CEP112: variants seen among roughly 807,000 people sequenced by gnomAD.
The protein encoded by CEP112 is centrosomal protein of 112 kDa.
In CEP112, 127 loss-of-function variants were observed where a neutral mutation model predicts 153.0. That is an observed-to-expected ratio of 0.83 (90% CI 0.72 to 0.96). The LOEUF is 0.96. Among genes scored for constraint, CEP112 ranks in the 40% least tolerant of loss-of-function variants. The pLI is 0.00. For missense variants in CEP112, 1,089 were observed against 1,101.2 expected, an observed-to-expected ratio of 0.99 and a Z score of 0.16; for synonymous variants, 358 against 374.4, an observed-to-expected ratio of 0.96 and a Z score of 0.51.
At chr17:65,970,962 T>C (rs1042429647) in intron 17 of CEP112, among the ~76,000 whole-genome samples, 1 of 151,368 alleles carries the variant, frequency 6.6e-6, no homozygotes, top group African/African-American at 2.4e-5. Flanking sequence ...ACCTATTACA[T>C]GTTGGCCAGG....
chr17:65,794,705 G>A (rs1449309613), intron 21 of CEP112, among the ~76,000 whole-genome samples: 10 of 152,184 alleles, frequency 6.6e-5, no homozygotes, highest in Admixed American at 3.3e-4. Flanking sequence ...GTTGATGGAC[G>A]GCATGACAAC....
At chr17:65,960,179 T>G (rs2062147483) in intron 18 of CEP112, among the ~76,000 whole-genome samples, 1 of 152,064 alleles carries the variant, frequency 6.6e-6, no homozygotes, top group Admixed American at 6.6e-5. Flanking sequence ...AAAAACTAAA[T>G]ATGCTTGAGT....
At chr17:66,105,058 G>A (rs1475879917) in intron 6 of CEP112, among the ~76,000 whole-genome samples, 1 of 152,060 alleles carries the variant, frequency 6.6e-6, no homozygotes, top group Non-Finnish European at 1.5e-5. Context: ...ACTAAAAGAT[G>A]AACCACTCAA....
At chr17:65,917,943 A>G (rs1475114148) in intron 19 of CEP112, among the ~76,000 whole-genome samples, 1 of 152,086 alleles carries the variant, frequency 6.6e-6, no homozygotes, top group Non-Finnish European at 1.5e-5. Flanking sequence ...TTGAGAGGCC[A>G]AGGCAGGTGG....
intron 21 of CEP112, among the ~76,000 whole-genome samples, chr17:65,839,390 G>A (rs939231645): frequency 2.0e-5 from 3 of 150,954 alleles, no homozygotes; most frequent in Admixed American, 1.3e-4. Context: ...TCACATTAAC[G>A]AAACCAAGAA....
chr17:65,814,208 T>C (rs894820740), intron 21 of CEP112, among the ~76,000 whole-genome samples: 1 of 152,148 alleles, frequency 6.6e-6, no homozygotes, highest in African/African-American at 2.4e-5. Context: ...AGAACTCACA[T>C]CTCTTGTGGA....
chr17:65,936,114 C>T (rs2061297281), intron 18 of CEP112, among the ~76,000 whole-genome samples: 2 of 152,162 alleles, frequency 1.3e-5, no homozygotes, highest in African/African-American at 4.8e-5. Context: ...TTACGAACCA[C>T]TATACATCAA....
At position 65,635,872 on chromosome 17, in the gene CEP112, C is replaced by T. The variant is rs143768706; in HGVS notation, c.*99G>A. 18 of 1,237,752 alleles carry T rather than the reference C, an allele frequency of 1.5e-5. 2 individuals carry two copies. The highest frequency in any genetic ancestry group is 1.9e-4 in the Middle Eastern group (1 of 5,308). 76.7% of individuals were successfully genotyped at this position (1,237,752 alleles called of 1,614,324 possible). On this transcript the variant is annotated 3_prime_UTR_variant, in exon 27 of 27. Transcript: ENST00000535342. ...ATTACATTTAAGGATTTAAAAAATGCCACTGATCTCACAGTTTACAATATC... is the reference window on the plus strand; with the variant it reads ...ATTACATTTAAGGATTTAAAAAATGTCACTGATCTCACAGTTTACAATATC...
intron 17 of CEP112, among the ~76,000 whole-genome samples, chr17:65,967,498 C>T (rs1033821362): frequency 1.3e-5 from 2 of 152,032 alleles, no homozygotes; most frequent in Non-Finnish European, 2.9e-5. Flanking sequence ...AAACATGGTT[C>T]CTATCTTGCA....
At chr17:65,713,681 G>T (rs987092493) in intron 23 of CEP112, among the ~76,000 whole-genome samples, 2 of 152,078 alleles carry the variant, frequency 1.3e-5, no homozygotes, top group African/African-American at 4.8e-5. Flanking sequence ...CTGCCTGCTG[G>T]GTTCACACCA....
chr17:65,645,466 T>C (rs1775599011), intron 24 of CEP112, among the ~76,000 whole-genome samples: 2 of 152,226 alleles, frequency 1.3e-5, no homozygotes, highest in Non-Finnish European at 1.5e-5. Context: ...TTAGTTATGA[T>C]TTTTCTATTT....
chr17:65,972,431 T>C (rs990295279), intron 17 of CEP112, among the ~76,000 whole-genome samples: 1 of 152,184 alleles, frequency 6.6e-6, no homozygotes, highest in African/African-American at 2.4e-5. Context: ...AACATTTGTA[T>C]TAGAAAATAA....
At chr17:65,718,997 G>A (rs1462099554) in intron 23 of CEP112, among the ~76,000 whole-genome samples, 4 of 152,224 alleles carry the variant, frequency 2.6e-5, no homozygotes, top group Admixed American at 2.0e-4. Flanking sequence ...ATGGAAAATC[G>A]AGGATGTGGG....
chr17:65,653,831 C>T (rs974953458), intron 24 of CEP112, among the ~76,000 whole-genome samples: 19 of 152,018 alleles, frequency 1.2e-4, no homozygotes, highest in East Asian at 1.2e-3. Flanking sequence ...GAGCCAGAGG[C>T]GGGCAGACCA....
intron 21 of CEP112, among the ~76,000 whole-genome samples, chr17:65,775,562 G>C (rs2053631048): frequency 6.6e-6 from 1 of 151,938 alleles, no homozygotes; most frequent in Non-Finnish European, 1.5e-5. Context: ...AGTGCAGCGG[G>C]TGCGATCTTG....
At chr17:65,954,027 C>T (rs952325972) in intron 18 of CEP112, among the ~76,000 whole-genome samples, 4 of 152,200 alleles carry the variant, frequency 2.6e-5, no homozygotes, top group South Asian at 2.1e-4. Context: ...TGCCACCTCC[C>T]GGCTGGAGGC....
chr17:65,964,075 C>T (rs899017385), intron 17 of CEP112, among the ~76,000 whole-genome samples: 2 of 152,186 alleles, frequency 1.3e-5, no homozygotes, highest in African/African-American at 4.8e-5. Context: ...TCAGTAACTG[C>T]ATTTTGCAGC....
At chr17:65,871,718 T>C (rs1260843481) in intron 20 of CEP112, among the ~76,000 whole-genome samples, 1 of 152,224 alleles carries the variant, frequency 6.6e-6, no homozygotes, top group Non-Finnish European at 1.5e-5. Context: ...TGCATTGGTG[T>C]TGAATATCTC....
At chr17:65,726,577 G>C (rs1280889260) in intron 23 of CEP112, among the ~76,000 whole-genome samples, 2 of 152,194 alleles carry the variant, frequency 1.3e-5, no homozygotes, top group East Asian at 3.8e-4. Flanking sequence ...GATTGGAAGA[G>C]AATGTGTGTG....
Sources: allele counts gnomAD v4.1 joint callset (sites outside exome capture counted in the v4.1 genomes callset), GRCh38; gene constraint gnomAD v4.1.1; transcripts MANE v1.5; gene names NCBI Gene and HGNC (gene_info 2026-07-23, HGNC 2026-07-21).